The following FOXJ3 variants were observed in gnomAD, a reference collection of about 807,000 sequenced individuals.
FOXJ3 encodes forkhead box J3, also known as forkhead box protein J3.
Under a neutral mutation model 76.1 loss-of-function variants are expected in FOXJ3, and 22 were observed. The ratio of observed to expected loss-of-function variants is 0.29; its 90% CI spans 0.21 to 0.41. The LOEUF (loss-of-function observed/expected upper bound fraction) is 0.41. Among genes scored for constraint, FOXJ3 ranks in the 10% least tolerant of loss-of-function variants. The probability of loss-of-function intolerance (pLI) is 1.00; values close to 1 mark genes in which losing one functional copy is unlikely to be tolerated. For synonymous variants in FOXJ3, 269 were observed against 261.2 expected (o/e 1.03, Z -0.29); for missense variants, 613 against 762.1 (o/e 0.80, Z 2.30).
chr1:42,201,819 T>C (rs889687811), intron 6 of FOXJ3, among the ~76,000 whole-genome samples: 3 of 152,204 alleles, frequency 2.0e-5, no homozygotes, highest in Admixed American at 6.5e-5. Context: ...TAAATATTTA[T>C]AAGAATTCCT....
chr1:42,313,194 G>A (rs1966214), intron 1 of FOXJ3, among the ~76,000 whole-genome samples: 101,480 of 151,882 alleles, frequency 0.67, 35,582 homozygotes, highest in Admixed American at 0.79. Context: ...AAATTTAGCC[G>A]GGCATGGTGG....
At chr1:42,299,867 C>G (rs1321974577) in intron 2 of FOXJ3, among the ~76,000 whole-genome samples, 2 of 151,932 alleles carry the variant, frequency 1.3e-5, no homozygotes, top group Non-Finnish European at 2.9e-5. Context: ...AAGATCATGC[C>G]ACTGCACTCC....
intron 5 of FOXJ3, among the ~76,000 whole-genome samples, chr1:42,212,957 C>CA (rs1209892066): frequency 0.47 from 29,653 of 63,502 alleles, 7,418 homozygotes; most frequent in Middle Eastern, 0.54. Context: ...TTGTATCTAG[C>CA]AAAAAAAAAA....
At chr1:42,285,505 G>C (rs1652995284) in intron 2 of FOXJ3, among the ~76,000 whole-genome samples, 1 of 152,118 alleles carries the variant, frequency 6.6e-6, no homozygotes, top group Non-Finnish European at 1.5e-5. Flanking sequence ...AACTACATGG[G>C]AGGGTGAGAG....
intron 2 of FOXJ3, among the ~76,000 whole-genome samples, chr1:42,309,271 C>T (rs1431707525): frequency 2.0e-5 from 3 of 152,158 alleles, no homozygotes; most frequent in African/African-American, 7.2e-5. Flanking sequence ...GCTCCAACCA[C>T]ACTGACCTCC....
At chr1:42,265,627 G>A (rs1651406202) in intron 3 of FOXJ3, among the ~76,000 whole-genome samples, 1 of 152,090 alleles carries the variant, frequency 6.6e-6, no homozygotes, top group African/African-American at 2.4e-5. Context: ...TAAAGATGAT[G>A]ACTATTTTCT....
At chr1:42,299,158 C>A (rs932781573) in intron 2 of FOXJ3, among the ~76,000 whole-genome samples, 6 of 152,144 alleles carry the variant, frequency 3.9e-5, no homozygotes, top group Admixed American at 3.3e-4. Context: ...AGTTTAGGTC[C>A]AGAATTTTTC....
intron 5 of FOXJ3, among the ~76,000 whole-genome samples, chr1:42,217,191 TA>T (rs1647087569): frequency 6.6e-6 from 1 of 152,196 alleles, no homozygotes; most frequent in South Asian, 2.1e-4. Context: ...AAATTAATTA[TA>T]TTTTTATATA....
chr1:42,200,354 A>C (rs1178603614), intron 6 of FOXJ3, among the ~76,000 whole-genome samples: 3 of 151,360 alleles, frequency 2.0e-5, no homozygotes, highest in Non-Finnish European at 4.4e-5. Context: ...ATTAATATCT[A>C]CTCTTTATAT....
chr1:42,316,980 T>C (rs547518675), intron 1 of FOXJ3, among the ~76,000 whole-genome samples: 4 of 152,214 alleles, frequency 2.6e-5, no homozygotes, highest in Admixed American at 6.5e-5. Flanking sequence ...AAAGAACTTA[T>C]TCATGTAACT....
intron 2 of FOXJ3, among the ~76,000 whole-genome samples, chr1:42,288,527 T>G (rs975491241): frequency 6.6e-6 from 1 of 152,202 alleles, no homozygotes; most frequent in African/African-American, 2.4e-5. Flanking sequence ...CGGTGGAAAG[T>G]GATCCTGTCT....
chr1:42,280,413 A>T (rs1570144522), intron 2 of FOXJ3: 2 of 634,250 alleles, frequency 3.2e-6, no homozygotes, highest in Non-Finnish European at 3.8e-6. Context: ...CTTTAAATTC[A>T]TCCATATAGC....
intron 5 of FOXJ3, among the ~76,000 whole-genome samples, chr1:42,223,826 T>C (rs1647333906): frequency 6.6e-6 from 1 of 152,234 alleles, no homozygotes; most frequent in African/African-American, 2.4e-5. Context: ...TTCAGTGTTG[T>C]AGTCTTCAGC....
chr1:42,254,171 C>T (rs1389734038), intron 4 of FOXJ3, among the ~76,000 whole-genome samples: 70 of 152,040 alleles, frequency 4.6e-4, no homozygotes, highest in South Asian at 4.4e-3. Context: ...AACAGACACT[C>T]CTCAAAAGAA....
chr1:42,283,762 G>C (rs1333201285), intron 2 of FOXJ3, among the ~76,000 whole-genome samples: 1 of 152,112 alleles, frequency 6.6e-6, no homozygotes. Context: ...GTCAATATGT[G>C]CTACCACTCC....
At chr1:42,262,780 C>T (rs1405448279) in intron 4 of FOXJ3, among the ~76,000 whole-genome samples, 1 of 152,114 alleles carries the variant, frequency 6.6e-6, no homozygotes, top group Admixed American at 6.5e-5. Context: ...ACCCGGGAGA[C>T]GGAGGCTGCA....
chr1:42,273,548 G>A (rs10890188), intron 3 of FOXJ3, among the ~76,000 whole-genome samples: 101,810 of 151,296 alleles, frequency 0.67, 35,762 homozygotes, highest in Admixed American at 0.79. Flanking sequence ...AGTGGCATGC[G>A]CCTATAGTCC....
chr1:42,186,987 A>G (rs886923540), intron 11 of FOXJ3, among the ~76,000 whole-genome samples: 1 of 152,130 alleles, frequency 6.6e-6, no homozygotes, highest in African/African-American at 2.4e-5. Flanking sequence ...GGCTGGGATT[A>G]CAGGCATGTG....
chr1:42,320,555 A>C (rs2124774687), intron 1 of FOXJ3, among the ~76,000 whole-genome samples: 1 of 152,340 alleles, frequency 6.6e-6, no homozygotes, highest in East Asian at 1.9e-4. Flanking sequence ...CGTATGTTTA[A>C]ATACTGAAAT....
Sources: gnomAD v4.1 joint callset for allele counts (sites outside exome capture counted in the v4.1 genomes callset) on GRCh38, gnomAD v4.1.1 for gene constraint, MANE v1.5 for transcripts, NCBI Gene and HGNC (gene_info 2026-07-23, HGNC 2026-07-21) for gene names.